NIPSNAP3B: variants seen among roughly 807,000 people sequenced by gnomAD.
NIPSNAP3B encodes protein NipSnap homolog 3B.
NIPSNAP3B carries 30 observed loss-of-function variants against 31.5 expected under a neutral mutation model. That is an observed-to-expected ratio of 0.95 (90% CI 0.71 to 1.29). The LOEUF is 1.29. Ranked by LOEUF, NIPSNAP3B falls within the 50% of genes most tolerant of loss-of-function variation. The pLI is 0.00. For missense variants in NIPSNAP3B, 269 were observed against 300.7 expected, an observed-to-expected ratio of 0.89 and a Z score of 0.78; for synonymous variants, 106 against 107.9, an observed-to-expected ratio of 0.98 and a Z score of 0.11.
downstream of NIPSNAP3B, among the ~76,000 whole-genome samples, chr9:104,779,057 C>T (rs1375135038): frequency 6.6e-6 from 1 of 152,156 alleles, no homozygotes. Flanking sequence ...CCCACTGGGG[C>T]TTTTGCAACA....
chr9:104,786,971 T>C, the NIPSNAP3B span: 6 of 1,613,418 alleles, frequency 3.7e-6, no homozygotes, highest in Admixed American at 5.0e-5. Context: ...CTGTGGTGGG[T>C]TCATCCTGTA....
chr9:104,778,621 G>A (rs371674399), downstream of NIPSNAP3B, among the ~76,000 whole-genome samples: 21 of 152,236 alleles, frequency 1.4e-4, no homozygotes, highest in South Asian at 4.4e-3. Flanking sequence ...ACCTAGTTCA[G>A]GTCACAAACT....
intron 1 of NIPSNAP3B, among the ~76,000 whole-genome samples, chr9:104,765,438 T>G (rs1828068353): frequency 6.6e-6 from 1 of 152,208 alleles, no homozygotes; most frequent in African/African-American, 2.4e-5. Context: ...TGTACGTACA[T>G]ACAGACAGAC....
chr9:104,787,272 A>G, the NIPSNAP3B span, among the ~76,000 whole-genome samples: 4 of 152,304 alleles, frequency 2.6e-5, no homozygotes, highest in African/African-American at 9.6e-5. Context: ...TTATCTTTTC[A>G]TGACTGATAA....
At chr9:104,785,220 G>A in the NIPSNAP3B span, among the ~76,000 whole-genome samples, 2 of 152,104 alleles carry the variant, frequency 1.3e-5, no homozygotes, top group African/African-American at 4.8e-5. Flanking sequence ...GAGTACATAG[G>A]CATCATCTCC....
chr9:104,788,212 G>A, the NIPSNAP3B span, among the ~76,000 whole-genome samples: 13 of 152,266 alleles, frequency 8.5e-5, no homozygotes, highest in African/African-American at 2.6e-4. Context: ...GAAGGGACTC[G>A]TGTGGTGGGA....
the NIPSNAP3B span, chr9:104,784,259 G>A: frequency 6.8e-6 from 11 of 1,608,698 alleles, no homozygotes; most frequent in Middle Eastern, 3.3e-4. Context: ...TTCACATGGT[G>A]CAAAGGAAAG....
At chr9:104,767,548 C>T (rs1588166715) in intron 2 of NIPSNAP3B, among the ~76,000 whole-genome samples, 1 of 152,068 alleles carries the variant, frequency 6.6e-6, no homozygotes, top group South Asian at 2.1e-4. Context: ...CTATGCTTGA[C>T]GTAACTCTTT....
rs149050514 is a variant in NIPSNAP3B at position 104,773,130 on chromosome 9, G to T, written c.*57G>T. 3.6e-4 allele frequency: 551 copies of T among 1,533,268 alleles called. 2 individuals are homozygous for T. In the African/African-American group the frequency reaches 6.7e-3, roughly 19 times the overall value. 95.0% of individuals were successfully genotyped at this position (1,533,268 alleles called of 1,614,324 possible). A position where few individuals can be genotyped will look rare whatever the true frequency, so the allele number is the denominator to read the frequency against. Reference sequence around the variant, plus strand: ...CTGCTCTAAGATGTGTCTGCTAATGGTGCTTAAATTCTCCCAAGAGGTTCT... The same window carrying T: ...CTGCTCTAAGATGTGTCTGCTAATGTTGCTTAAATTCTCCCAAGAGGTTCT... On this transcript the variant is annotated 3_prime_UTR_variant, in exon 6 of 6. Coordinates refer to ENST00000374762, the MANE Select transcript of NIPSNAP3B (RefSeq NM_018376.4).
intron 2 of NIPSNAP3B, 83 bp downstream of exon 2, chr9:104,766,618 TTACC>T: frequency 7.1e-6 from 9 of 1,276,590 alleles, no homozygotes; most frequent in South Asian, 1.2e-5. Context: ...TGGATCTATA[TTACC>T]ATAGATACAT....
At position 104,774,983 on chromosome 9, in the gene NIPSNAP3B, C is replaced by T. The variant is rs1034471322; in HGVS notation, c.*1910C>T. ...TTCATAAGTTCCCACCCCGTCTGCC[C>T]GCTTTCTACAGCCAACCCCACATGC... On this transcript the variant is annotated 3_prime_UTR_variant, in exon 6 of 6. Transcript: ENST00000374762. 1.7e-4 allele frequency among the ~76,000 whole-genome samples: 26 copies of T among 152,138 alleles called. 1 individual carries two copies. The highest frequency in any genetic ancestry group is 1.7e-3 in the South Asian group (8 of 4,820).
the NIPSNAP3B span, chr9:104,788,021 C>A: frequency 6.2e-7 from 1 of 1,614,064 alleles, no homozygotes. Flanking sequence ...CCATACTTCA[C>A]GAGGCCCAGT....
At chr9:104,778,949 C>G (rs1232470051), downstream of NIPSNAP3B, among the ~76,000 whole-genome samples, 1 of 152,190 alleles carries the variant, frequency 6.6e-6, no homozygotes, top group Non-Finnish European at 1.5e-5. Flanking sequence ...CCTGCTATCT[C>G]TCCAGTTCCA....
chr9:104,784,485 A>G, the NIPSNAP3B span: 1 of 1,613,712 alleles, frequency 6.2e-7, no homozygotes, highest in East Asian at 2.2e-5. Flanking sequence ...GACCTTTATA[A>G]ATACCACTCA....
downstream of NIPSNAP3B, among the ~76,000 whole-genome samples, chr9:104,780,362 C>T (rs2118819881): frequency 1.3e-5 from 2 of 152,256 alleles, no homozygotes; most frequent in Admixed American, 1.3e-4. Flanking sequence ...CTTGTACTTC[C>T]TCAAAAGGAC....
At chr9:104,785,651 A>G in the NIPSNAP3B span, 1 of 1,613,742 alleles carries the variant, frequency 6.2e-7, no homozygotes, top group East Asian at 2.2e-5. Context: ...TGAAAGCAGG[A>G]AAAAATACCC....
chr9:104,770,878 A>G lies in NIPSNAP3B; in HGVS notation c.460A>G (p.Lys154Glu), dbSNP rs3739740. ...GVYELAVFQM[K>E]PGGPALWGDA... ...CTATGAACTAGCTGTTTTTCAGATG[A>G]AACCTGGTGGGCCAGCTCTGTGGGG... is the stretch of plus-strand genomic sequence containing the variant. The change falls in exon 4 of 6, where the codon AAA becomes GAA. Residue 154 changes from lysine (K) to glutamate (E), a missense_variant. Coordinates refer to ENST00000374762, the MANE Select transcript of NIPSNAP3B (RefSeq NM_018376.4). 0.013 allele frequency: 21,287 copies of G among 1,613,802 alleles called. 1,362 individuals are homozygous for G. In the East Asian group the frequency reaches 0.22, roughly 17 times the overall value.
Position 104,768,931 on chromosome 9 carries a change from A to G in NIPSNAP3B, c.340A>G (p.Ile114Val), listed in dbSNP as rs940145019. The G allele has an allele frequency of 5.0e-6, 8 of 1,613,810 alleles. No individual in the cohort carries two copies. Among genetic ancestry groups the G allele is most frequent in the South Asian group, 3.3e-5 (3 of 91,084 alleles). Residue 114 changes from isoleucine (I) to valine (V), a missense_variant, in exon 3 of 6, where the codon ATC becomes GTC. Ile to Val is a conservative substitution (Grantham distance 29, BLOSUM62 3). Transcript: ENST00000374762. The part of the protein sequence containing the change: ...ANCKEWQEQS[I>V]IPNLARIDKQ... ...CTGTAAGGAATGGCAAGAACAATCT[A>G]TCATTCCAAATTTGGCTCGCATTGA...
Position 104,764,134 on chromosome 9 carries a change from C to T in NIPSNAP3B, c.-107C>T. 1 of 1,062,998 alleles carries T rather than the reference C, an allele frequency of 9.4e-7. No homozygotes were observed. The highest frequency in any genetic ancestry group is 1.4e-6 in the Non-Finnish European group (1 of 724,222). The allele number at this position is 1,062,998 out of a possible 1,614,324, so 65.8% of individuals were successfully genotyped here. A position where few individuals can be genotyped will look rare whatever the true frequency, so the allele number is the denominator to read the frequency against. ...TGACCCCGCCGAGTCCCGCCCCTGC[C>T]TGAGTTCGCCAGTGGTCCAGGAGCC... On this transcript the variant is annotated 5_prime_UTR_variant, in exon 1 of 6. Coordinates refer to ENST00000374762, the MANE Select transcript of NIPSNAP3B (RefSeq NM_018376.4).
Sources: gnomAD v4.1 joint callset for allele counts (sites outside exome capture counted in the v4.1 genomes callset) on GRCh38, gnomAD v4.1.1 for gene constraint, MANE v1.5 for transcripts, NCBI Gene and HGNC (gene_info 2026-07-23, HGNC 2026-07-21) for gene names.